Variants in SCAPER observed in about 807,000 individuals in gnomAD.
SCAPER encodes S-phase cyclin A associated protein in the ER, also known as S phase cyclin A-associated protein in the endoplasmic reticulum.
A neutral mutation model predicts 182.2 loss-of-function variants in SCAPER; 98 were observed. The ratio of observed to expected loss-of-function variants is 0.54; its 90% CI spans 0.46 to 0.64. The LOEUF is 0.64. SCAPER is among the 30% of genes least tolerant of loss of function. The pLI is 0.00. For missense variants in SCAPER, 1,432 were observed against 1,690.0 expected, an observed-to-expected ratio of 0.85 and a Z score of 2.68; for synonymous variants, 605 against 564.6, an observed-to-expected ratio of 1.07 and a Z score of -1.01.
intron 22 of SCAPER, among the ~76,000 whole-genome samples, chr15:76,610,391 G>A (rs2050868157): frequency 6.6e-6 from 1 of 152,202 alleles, no homozygotes; most frequent in Non-Finnish European, 1.5e-5. Context: ...AGGCAAGGAT[G>A]CCTACTATCA....
intron 1 of SCAPER, among the ~76,000 whole-genome samples, chr15:76,886,332 T>C (rs2073838220): frequency 6.6e-6 from 1 of 151,856 alleles, no homozygotes. Context: ...ATACAAAAAT[T>C]AGCTGGGTGT....
At chr15:76,582,455 C>T (rs1022279210) in intron 22 of SCAPER, among the ~76,000 whole-genome samples, 3 of 152,102 alleles carry the variant, frequency 2.0e-5, no homozygotes, top group Non-Finnish European at 4.4e-5. Flanking sequence ...GAAGAAGACA[C>T]ATGAAAAGGC....
intron 14 of SCAPER, among the ~76,000 whole-genome samples, chr15:76,762,018 A>G (rs2151253860): frequency 6.6e-6 from 1 of 152,308 alleles, no homozygotes; most frequent in South Asian, 2.1e-4. Context: ...TGAATCTTTT[A>G]TCATTATTTA....
chr15:76,368,814 C>A (rs998664206), intron 29 of SCAPER, among the ~76,000 whole-genome samples: 1 of 152,048 alleles, frequency 6.6e-6, no homozygotes, highest in Non-Finnish European at 1.5e-5. Flanking sequence ...TGCAGGCAGT[C>A]AAATCATCAG....
At chr15:76,775,238 T>A in intron 8 of SCAPER, 121 bp from the exon 9 acceptor site, 1 of 814,974 alleles carries the variant, frequency 1.2e-6, no homozygotes, top group Non-Finnish European at 1.9e-6. Flanking sequence ...TATACAAACA[T>A]GAGAGTATTA....
At chr15:76,418,294 C>T (rs2045797156) in intron 26 of SCAPER, among the ~76,000 whole-genome samples, 1 of 152,184 alleles carries the variant, frequency 6.6e-6, no homozygotes, top group African/African-American at 2.4e-5. Flanking sequence ...CTGGCATTAG[C>T]TCAGAGTCAG....
At chr15:76,744,795 G>A (rs1318086811) in intron 15 of SCAPER, among the ~76,000 whole-genome samples, 1 of 152,000 alleles carries the variant, frequency 6.6e-6, no homozygotes, top group East Asian at 1.9e-4. Flanking sequence ...TATACCCATT[G>A]GAAAACAAAT....
At chr15:76,380,264 T>C (rs1002257863) in intron 28 of SCAPER, 3 of 152,150 alleles carry the variant, frequency 2.0e-5, no homozygotes, top group Admixed American at 2.0e-4. Flanking sequence ...CTCCCAGAAC[T>C]CTACGTATTG....
At chr15:76,541,796 C>A (rs1207703936) in intron 23 of SCAPER, among the ~76,000 whole-genome samples, 2 of 152,098 alleles carry the variant, frequency 1.3e-5, no homozygotes, top group Admixed American at 6.5e-5. Context: ...TCCCATGGCC[C>A]TTTTCCTATT....
rs1272859965 is a variant in SCAPER, at chr15:76,601,407, T to A, written c.2711+20357A>T. ...CTGCATTTTTACTGTATCTTTCCTA[T>A]GTTTAGTTATGTTTAAATACACAAA... On this transcript the variant is annotated intron_variant, in intron 22 of 31. Coordinates refer to ENST00000563290, the MANE Select transcript of SCAPER (RefSeq NM_020843.4). Among the ~76,000 whole-genome samples the A allele has an allele frequency of 2.5e-5, 3 of 121,890 alleles. 1 individual carries two copies. Among genetic ancestry groups the A allele is most frequent in the Admixed American group, 9.3e-5 (1 of 10,730 alleles). The allele number at this position is 121,890 out of a possible 152,430, so 80.0% of individuals were successfully genotyped here.
At chr15:76,429,051 T>C (rs892009990) in intron 26 of SCAPER, among the ~76,000 whole-genome samples, 3 of 151,644 alleles carry the variant, frequency 2.0e-5, no homozygotes, top group African/African-American at 4.9e-5. Context: ...GTTCTCATGA[T>C]AGAGAATAAG....
chr15:76,699,567 C>T (rs1486179336), intron 20 of SCAPER, among the ~76,000 whole-genome samples: 1 of 152,166 alleles, frequency 6.6e-6, no homozygotes, highest in Non-Finnish European at 1.5e-5. Flanking sequence ...CTGCAGTATA[C>T]ACTGCACGTT....
intron 24 of SCAPER, among the ~76,000 whole-genome samples, chr15:76,481,033 C>G (rs1458860304): frequency 6.6e-6 from 1 of 152,104 alleles, no homozygotes; most frequent in Non-Finnish European, 1.5e-5. Flanking sequence ...GCCCGGCCCA[C>G]TATTCTACTT....
At chr15:76,742,270 C>A (rs1843255) in intron 15 of SCAPER, among the ~76,000 whole-genome samples, 1 of 151,374 alleles carries the variant, frequency 6.6e-6, no homozygotes. Flanking sequence ...GCCACTATTT[C>A]TCAGAAATTT....
rs780205657 is a variant in SCAPER at position 76,351,202 on chromosome 15, C to T, written c.4099+35G>A. ...ATAAGAAAGATGTCCATTTGGCTAA[C>T]AAACACATGAAATTTAATTTCAATA... On this transcript the variant is annotated intron_variant, in intron 31 of 31. Coordinates refer to ENST00000563290, the MANE Select transcript of SCAPER (RefSeq NM_020843.4). 3.8e-6 allele frequency: 6 copies of T among 1,581,966 alleles called. No homozygotes were observed. In the African/African-American group the frequency reaches 5.4e-5, roughly 14 times the overall value.
At chr15:76,702,471 A>T (rs1207660394) in intron 19 of SCAPER, among the ~76,000 whole-genome samples, 2 of 152,104 alleles carry the variant, frequency 1.3e-5, no homozygotes, top group African/African-American at 4.8e-5. Context: ...TTTTTGAAAC[A>T]GAGTCTTGCT....
Position 76,823,564 on chromosome 15 carries a change from C to T in SCAPER, c.393+18170G>A, listed in dbSNP as rs565661474. ...TATACTTTGGAACTCAGACCCAAGA[C>T]TAATAATGAATATATGCCAAATTAT... On this transcript the variant is annotated intron_variant, in intron 5 of 31. Coordinates refer to ENST00000563290, the MANE Select transcript of SCAPER (RefSeq NM_020843.4). Among the ~76,000 whole-genome samples the T allele has an allele frequency of 3.8e-4, 57 of 151,172 alleles. 1 individual carries two copies. Among genetic ancestry groups the T allele is most frequent in the African/African-American group, 1.2e-3 (50 of 41,266 alleles).
At chr15:76,583,593 A>G (rs1286937063) in intron 22 of SCAPER, among the ~76,000 whole-genome samples, 1 of 152,212 alleles carries the variant, frequency 6.6e-6, no homozygotes. Context: ...TGATAATCTA[A>G]TTAAAAAATG....
At chr15:76,472,442 A>C in intron 24 of SCAPER, 1 of 564,614 alleles carries the variant, frequency 1.8e-6, no homozygotes. Flanking sequence ...GAAGTTTTAT[A>C]AAAATGCAAA....
Sources: allele counts gnomAD v4.1 joint callset (sites outside exome capture counted in the v4.1 genomes callset), GRCh38; gene constraint gnomAD v4.1.1; transcripts MANE v1.5; gene names NCBI Gene and HGNC (gene_info 2026-07-23, HGNC 2026-07-21).